CEP112: variants seen among roughly 807,000 people sequenced by gnomAD.
CEP112 encodes the protein centrosomal protein of 112 kDa.
A neutral mutation model predicts 153.0 loss-of-function variants in CEP112; 127 were observed. The ratio of observed to expected loss-of-function variants is 0.83; its 90% confidence interval spans 0.72 to 0.96. The LOEUF is 0.96. Among genes scored for constraint, CEP112 ranks in the 40% least tolerant of loss-of-function variants. CEP112 has a pLI of 0.00. For synonymous variants in CEP112, 358 were observed against 374.4 expected (o/e 0.96, Z 0.51); for missense variants, 1,089 against 1,101.2 (o/e 0.99, Z 0.16).
chr17:65,676,747 C>G (rs561300894), intron 24 of CEP112, among the ~76,000 whole-genome samples: 1 of 152,340 alleles, frequency 6.6e-6, no homozygotes, highest in South Asian at 2.1e-4. Flanking sequence ...TTCTGATATA[C>G]CATCTCATTT....
chr17:65,790,451 C>T (rs746428620), intron 21 of CEP112, among the ~76,000 whole-genome samples: 2 of 152,120 alleles, frequency 1.3e-5, no homozygotes, highest in Non-Finnish European at 2.9e-5. Context: ...CCAGCAGGTG[C>T]TGAATGTGCA....
At chr17:66,074,135 T>C (rs192754760) in intron 8 of CEP112, among the ~76,000 whole-genome samples, 15 of 152,128 alleles carry the variant, frequency 9.9e-5, no homozygotes, top group Admixed American at 2.0e-4. Context: ...TCTCAGCAGA[T>C]AGATGGAAAT....
chr17:65,927,478 A>G (rs915596392), intron 19 of CEP112, 104 bp downstream of exon 19: 2 of 660,672 alleles, frequency 3.0e-6, no homozygotes, highest in Non-Finnish European at 5.2e-6. Context: ...AACAGCTCTT[A>G]GTAATATTTT....
chr17:65,784,537 G>A (rs1180987502), intron 21 of CEP112, among the ~76,000 whole-genome samples: 1 of 152,164 alleles, frequency 6.6e-6, no homozygotes, highest in Non-Finnish European at 1.5e-5. Flanking sequence ...CTGGAGTGCA[G>A]TGGTGTGATC....
At chr17:66,004,157 T>C (rs754151037) in intron 17 of CEP112, among the ~76,000 whole-genome samples, 6 of 151,978 alleles carry the variant, frequency 3.9e-5, no homozygotes, top group Non-Finnish European at 7.4e-5. Flanking sequence ...AATGAACTAA[T>C]GAAGAATAGA....
intron 20 of CEP112, among the ~76,000 whole-genome samples, chr17:65,889,197 T>C (rs1333306065): frequency 1.3e-5 from 2 of 152,092 alleles, no homozygotes; most frequent in Non-Finnish European, 2.9e-5. Context: ...TGTCTGTCAG[T>C]AATGGCCCGA....
chr17:65,718,209 C>T (rs1412139196), intron 23 of CEP112, among the ~76,000 whole-genome samples: 1 of 152,078 alleles, frequency 6.6e-6, no homozygotes, highest in African/African-American at 2.4e-5. Flanking sequence ...AGTTCGAGAC[C>T]AGGCTGGCCA....
At chr17:65,683,686 A>C (rs1252082218) in intron 24 of CEP112, among the ~76,000 whole-genome samples, 4 of 152,204 alleles carry the variant, frequency 2.6e-5, no homozygotes, top group Non-Finnish European at 4.4e-5. Context: ...AGACGGAAGG[A>C]AGGACCAGTG....
At chr17:66,040,041 C>T (rs1262235721) in intron 12 of CEP112, among the ~76,000 whole-genome samples, 2 of 152,112 alleles carry the variant, frequency 1.3e-5, no homozygotes, top group Non-Finnish European at 1.5e-5. Flanking sequence ...ATGATGCACA[C>T]ATGTACAGAT....
chr17:65,699,086 T>C (rs1223150983), intron 23 of CEP112, among the ~76,000 whole-genome samples: 2 of 152,242 alleles, frequency 1.3e-5, no homozygotes, highest in Non-Finnish European at 2.9e-5. Flanking sequence ...CTATTTCGCA[T>C]TGTTATTATA....
At chr17:65,709,835 T>C (rs889494820) in intron 23 of CEP112, among the ~76,000 whole-genome samples, 9 of 152,222 alleles carry the variant, frequency 5.9e-5, no homozygotes, top group African/African-American at 2.2e-4. Flanking sequence ...CTTCCACTGA[T>C]CTTTCTTTGC....
At chr17:66,136,084 C>T (rs2070425000) in intron 4 of CEP112, among the ~76,000 whole-genome samples, 1 of 152,130 alleles carries the variant, frequency 6.6e-6, no homozygotes, top group East Asian at 1.9e-4. Flanking sequence ...ACACTGAAGC[C>T]AGTAGGAAAA....
At chr17:66,078,097 T>C (rs546045621) in intron 8 of CEP112, among the ~76,000 whole-genome samples, 1 of 152,288 alleles carries the variant, frequency 6.6e-6, no homozygotes, top group African/African-American at 2.4e-5. Flanking sequence ...GGCTAGCCAA[T>C]TATCACAGCA....
chr17:65,649,069 AACAAACACACACACACACACACACAC>A (rs1466977913), intron 24 of CEP112, among the ~76,000 whole-genome samples: 2 of 41,762 alleles, frequency 4.8e-5, no homozygotes, highest in African/African-American at 9.0e-5. Context: ...CAAACAAACA[AACAAACACACACACACACACACACAC>A]ACACACACAC....
chr17:65,996,042 A>T (rs2063776852), intron 17 of CEP112, among the ~76,000 whole-genome samples: 1 of 152,056 alleles, frequency 6.6e-6, no homozygotes, highest in Non-Finnish European at 1.5e-5. Flanking sequence ...CTTTATCAGC[A>T]GCATGAAAAC....
At chr17:65,846,188 C>T (rs2057718625) in intron 21 of CEP112, among the ~76,000 whole-genome samples, 1 of 152,118 alleles carries the variant, frequency 6.6e-6, no homozygotes, top group Non-Finnish European at 1.5e-5. Flanking sequence ...ACGATAAAAA[C>T]ATCCAACTTA....
At chr17:65,912,077 G>A (rs979157678) in intron 19 of CEP112, among the ~76,000 whole-genome samples, 1 of 152,096 alleles carries the variant, frequency 6.6e-6, no homozygotes, top group Non-Finnish European at 1.5e-5. Context: ...CGGGAAACTT[G>A]GTAGAGGACT....
chr17:65,643,265 G>A (rs1028416633), intron 24 of CEP112, among the ~76,000 whole-genome samples: 3 of 151,724 alleles, frequency 2.0e-5, no homozygotes, highest in Admixed American at 6.6e-5. Flanking sequence ...ACTGCTGCAC[G>A]CCCTGGAAGG....
At chr17:65,717,311 A>G (rs1451945067) in intron 23 of CEP112, among the ~76,000 whole-genome samples, 1 of 152,212 alleles carries the variant, frequency 6.6e-6, no homozygotes, top group Non-Finnish European at 1.5e-5. Context: ...GGTATTCAGC[A>G]CACATGTCCT....
Sources: allele counts gnomAD v4.1 joint callset (sites outside exome capture counted in the v4.1 genomes callset), GRCh38; gene constraint gnomAD v4.1.1; transcripts MANE v1.5; gene names NCBI Gene and HGNC (gene_info 2026-07-23, HGNC 2026-07-21).